The following NCBP1 variants were observed in gnomAD, a reference collection of about 807,000 sequenced individuals.
NCBP1 encodes nuclear cap binding protein subunit 1.
Under a neutral mutation model 111.7 loss-of-function variants are expected in NCBP1, and 16 were observed. That is an observed-to-expected ratio of 0.14 (90% CI 0.10 to 0.22). The LOEUF (loss-of-function observed/expected upper bound fraction) is 0.22. Ranked by LOEUF, NCBP1 falls within the 10% of genes least tolerant of loss-of-function variation. NCBP1 has a pLI of 1.00. For missense variants in NCBP1, 607 were observed against 957.5 expected, an observed-to-expected ratio of 0.63 and a Z score of 4.83; for synonymous variants, 304 against 314.3, an observed-to-expected ratio of 0.97 and a Z score of 0.35.
chr9:97,640,379 A>G (rs1205298154), intron 1 of NCBP1, among the ~76,000 whole-genome samples: 1 of 152,146 alleles, frequency 6.6e-6, no homozygotes, highest in Non-Finnish European at 1.5e-5. Flanking sequence ...AATGAATACT[A>G]CTGGTACTAA....
intron 15 of NCBP1, among the ~76,000 whole-genome samples, chr9:97,659,955 C>T (rs1333954720): frequency 6.6e-6 from 1 of 152,158 alleles, no homozygotes; most frequent in African/African-American, 2.4e-5. Flanking sequence ...TTTGCCATTA[C>T]CCCAGTCTGG....
intron 20 of NCBP1, 35 bp from the exon 21 acceptor site, chr9:97,668,811 A>G: frequency 6.2e-7 from 1 of 1,601,790 alleles, no homozygotes; most frequent in South Asian, 1.1e-5. Flanking sequence ...TGGAATCTAA[A>G]TGGTATTTTC....
intron 1 of NCBP1, among the ~76,000 whole-genome samples, chr9:97,637,927 T>G (rs1025562613): frequency 6.6e-6 from 1 of 152,202 alleles, no homozygotes; most frequent in Non-Finnish European, 1.5e-5. Flanking sequence ...ATTTTATACC[T>G]GCTTCTCTAT....
At chr9:97,635,605 A>G (rs1229314069) in intron 1 of NCBP1, among the ~76,000 whole-genome samples, 1 of 151,750 alleles carries the variant, frequency 6.6e-6, no homozygotes, top group East Asian at 1.9e-4. Flanking sequence ...TATTTTTTGT[A>G]GAGACGGGGT....
rs576306427 is a variant in NCBP1, at chr9:97,673,712, G to T, written c.*2513G>T. On this transcript the variant is annotated 3_prime_UTR_variant, in exon 23 of 23. Coordinates refer to ENST00000375147, the MANE Select transcript of NCBP1 (RefSeq NM_002486.5). ...CTTGCAATAAATATTCTGTTAAATT[G>T]TGCTGGTGCAATTTAACATGCTTTT... The T allele has an allele frequency of 6.6e-6, 1 of 152,288 alleles. No individual in the cohort carries two copies. Among genetic ancestry groups the T allele is most frequent in the Admixed American group, 6.5e-5 (1 of 15,304 alleles). 9.4% of individuals were successfully genotyped at this position (152,288 alleles called of 1,614,324 possible). A position where few individuals can be genotyped will look rare whatever the true frequency, so the allele number is the denominator to read the frequency against.
At chr9:97,656,143 T>C in intron 14 of NCBP1, 58 bp downstream of exon 14, 2 of 1,347,864 alleles carry the variant, frequency 1.5e-6, no homozygotes. Context: ...TTCTCTTCTC[T>C]GCACTTGTGA....
At chr9:97,652,259 C>T (rs1054409544) in intron 10 of NCBP1, among the ~76,000 whole-genome samples, 1 of 152,200 alleles carries the variant, frequency 6.6e-6, no homozygotes, top group Non-Finnish European at 1.5e-5. Context: ...GCCTTGGGCT[C>T]CCAAGGTGCT....
chr9:97,660,147 G>A (rs1827790263), intron 15 of NCBP1, among the ~76,000 whole-genome samples: 1 of 152,018 alleles, frequency 6.6e-6, no homozygotes, highest in Non-Finnish European at 1.5e-5. Context: ...GTTTTTCTTC[G>A]CCTTCTTTTT....
intron 5 of NCBP1, 110 bp downstream of exon 5, chr9:97,645,334 GA>G (rs1377825008): frequency 1.3e-5 from 12 of 891,264 alleles, no homozygotes; most frequent in East Asian, 1.0e-4. Context: ...TAGCAATAAA[GA>G]AAAAAATAAC....
intron 19 of NCBP1, among the ~76,000 whole-genome samples, chr9:97,665,595 C>G (rs1827971287): frequency 6.6e-6 from 1 of 152,208 alleles, no homozygotes; most frequent in South Asian, 2.1e-4. Flanking sequence ...TTAAAGTGCT[C>G]TGCTCTTTTG....
intron 8 of NCBP1, 103 bp from the exon 9 acceptor site, chr9:97,650,400 C>A: frequency 2.6e-6 from 2 of 761,556 alleles, no homozygotes; most frequent in East Asian, 2.7e-5. Flanking sequence ...CCCCATCACC[C>A]AGTTTAGTGC....
chr9:97,656,371 G>C (rs1055563123), intron 14 of NCBP1, among the ~76,000 whole-genome samples: 4 of 152,188 alleles, frequency 2.6e-5, no homozygotes, highest in African/African-American at 9.6e-5. Context: ...CACATGATGT[G>C]AGGAGTTCAG....
intron 15 of NCBP1, among the ~76,000 whole-genome samples, chr9:97,659,848 G>T (rs1460919382): frequency 6.6e-6 from 1 of 152,156 alleles, no homozygotes; most frequent in Non-Finnish European, 1.5e-5. Context: ...CATAACCATT[G>T]TTCCTACTTT....
In NCBP1 at chr9:97,671,238, C is replaced by A; in HGVS notation, c.*39C>A. 7.2e-7 allele frequency: 1 copy of A among 1,388,120 alleles called. No homozygotes were observed. Among genetic ancestry groups the A allele is most frequent in the Non-Finnish European group, 1.0e-6 (1 of 992,406 alleles). 86.0% of individuals were successfully genotyped at this position (1,388,120 alleles called of 1,614,324 possible). A position where few individuals can be genotyped will look rare whatever the true frequency, so the allele number is the denominator to read the frequency against. On this transcript the variant is annotated 3_prime_UTR_variant, in exon 23 of 23. Coordinates refer to ENST00000375147, the MANE Select transcript of NCBP1 (RefSeq NM_002486.5). ...CTCATGTCAAGGTTTTTTTTGATAT[C>A]TTAAAATAATTTGTCTTATTTTTTG...
intron 10 of NCBP1, among the ~76,000 whole-genome samples, chr9:97,653,123 T>G (rs1412506576): frequency 6.7e-6 from 1 of 149,130 alleles, no homozygotes; most frequent in Non-Finnish European, 1.5e-5. Flanking sequence ...AGAATTCTTT[T>G]TTTTTTTTTT....
At chr9:97,659,562 C>A (rs548182310) in intron 15 of NCBP1, among the ~76,000 whole-genome samples, 6 of 152,272 alleles carry the variant, frequency 3.9e-5, no homozygotes, top group African/African-American at 1.4e-4. Context: ...GAAATGACTT[C>A]CAAGAGGTCA....
chr9:97,656,303 C>T (rs961179468), intron 14 of NCBP1, among the ~76,000 whole-genome samples: 3 of 152,194 alleles, frequency 2.0e-5, no homozygotes, highest in East Asian at 1.9e-4. Context: ...TGTCACAGGC[C>T]GGGCGCAGTG....
chr9:97,635,689 C>G (rs904610537), intron 1 of NCBP1: 12 of 151,638 alleles, frequency 7.9e-5, no homozygotes, highest in Non-Finnish European at 1.8e-4. Context: ...TCCAAAGTGC[C>G]GGGATTACAG....
intron 9 of NCBP1, 109 bp from the exon 10 acceptor site, chr9:97,651,200 CA>C (rs1204503631): frequency 2.0e-5 from 15 of 761,972 alleles, no homozygotes; most frequent in Non-Finnish European, 2.8e-5. Context: ...TAGGACATTT[CA>C]AAAAAGATTT....
Sources: gnomAD v4.1 joint callset for allele counts (sites outside exome capture counted in the v4.1 genomes callset) on GRCh38, gnomAD v4.1.1 for gene constraint, MANE v1.5 for transcripts, NCBI Gene and HGNC (gene_info 2026-07-23, HGNC 2026-07-21) for gene names.